The following RBFOX3 variants were observed in gnomAD, a reference collection of about 807,000 sequenced individuals.
RBFOX3 encodes RNA binding fox-1 homolog 3, also known as RNA binding protein fox-1 homolog 3.
In RBFOX3, 17 loss-of-function variants were observed where a neutral mutation model predicts 48.7. The observed-to-expected ratio is 0.35, with a 90% CI of 0.24 to 0.52. RBFOX3 has a LOEUF of 0.52. Ranked by LOEUF, RBFOX3 falls within the 20% of genes least tolerant of loss-of-function variation. The probability of loss-of-function intolerance (pLI) is 0.94; values close to 1 mark genes in which losing one functional copy is unlikely to be tolerated. For synonymous variants in RBFOX3, 212 were observed against 209.5 expected (o/e 1.01, Z -0.10); for missense variants, 382 against 497.5 (o/e 0.77, Z 2.21).
At chr17:79,306,375 G>A (rs1277037348) in intron 3 of RBFOX3, among the ~76,000 whole-genome samples, 1 of 152,260 alleles carries the variant, frequency 6.6e-6, no homozygotes, top group Non-Finnish European at 1.5e-5. Context: ...GCCATGGCCC[G>A]CACGCGTGTG....
At position 79,212,571 on chromosome 17, in the gene RBFOX3, CAACTT is replaced by C. The variant is rs2058522130; in HGVS notation, c.-34+23190_-34+23194del. 1.3e-5 allele frequency among the ~76,000 whole-genome samples: 2 copies of C among 152,196 alleles called. No homozygotes were observed. Among genetic ancestry groups the C allele is most frequent in the African/African-American group, 2.4e-5 (1 of 41,448 alleles). The stretch of plus-strand genomic sequence containing the variant: ...TCTTCATAAAGAGTAGATTTCAGAG[CAACTT>C]AACTTCTTTCACAAGCAAATTCCCA... On this transcript the variant is annotated intron_variant, in intron 4 of 14. Coordinates refer to ENST00000693108, the MANE Select transcript of RBFOX3 (RefSeq NM_001350451.2). This position sits in a 1 kb window ranked among gnomAD's most constrained non-coding sequence, Gnocchi z 4.7.
intron 2 of RBFOX3, among the ~76,000 whole-genome samples, chr17:79,318,854 C>CAAAAAAAAAAAAAAAAAAAAAAAAAAAAA (rs71161660): frequency 6.1e-5 from 2 of 32,524 alleles, no homozygotes; most frequent in Non-Finnish European, 1.0e-4. Context: ...GACTCCATCT[C>CAAAAAAAAAAAAAAAAAAAAAAAAAAAAA]AAAAAAAAAA....
At chr17:79,444,766 T>G (rs2071884226) in intron 2 of RBFOX3, among the ~76,000 whole-genome samples, 1 of 152,060 alleles carries the variant, frequency 6.6e-6, no homozygotes, top group Non-Finnish European at 1.5e-5. Flanking sequence ...AGTTTAGTCT[T>G]GAGCAAATAT....
At chr17:79,487,193 G>A (rs1229398005) in intron 1 of RBFOX3, among the ~76,000 whole-genome samples, 1 of 152,184 alleles carries the variant, frequency 6.6e-6, no homozygotes, top group East Asian at 1.9e-4. Context: ...AGGCACACAA[G>A]GTAGCTGGAG....
At chr17:79,638,126 C>T in the RBFOX3 span, among the ~76,000 whole-genome samples, 1 of 151,854 alleles carries the variant, frequency 6.6e-6, no homozygotes, top group East Asian at 1.9e-4. Context: ...TAAATGCCTA[C>T]ATTTTTAAAA....
rs1202846657 is a variant in RBFOX3, at chr17:79,299,782, C to CA, written c.-74+7941dup. ...ACAGACGCAAACAGAGGGATGGCCA[C>CA]ATAAGGACATGGAGAAGACGGCGTC... On this transcript the variant is annotated intron_variant, in intron 3 of 14. Transcript: ENST00000693108. This position sits in a 1 kb window ranked among gnomAD's most constrained non-coding sequence, Gnocchi z 4.5. Among the ~76,000 whole-genome samples, 4 of 152,174 alleles carry CA rather than the reference C, an allele frequency of 2.6e-5. No homozygotes were observed. The highest frequency in any genetic ancestry group is 9.7e-5 in the African/African-American group (4 of 41,438).
rs2031506207 is a variant in RBFOX3, at chr17:79,111,524, C to A, written c.222+3970G>T. Among the ~76,000 whole-genome samples the A allele has an allele frequency of 6.6e-6, 1 of 152,208 alleles. No individual in the cohort carries two copies. The highest frequency in any genetic ancestry group is 2.4e-5 in the African/African-American group (1 of 41,456). On this transcript the variant is annotated intron_variant, in intron 5 of 14. Transcript: ENST00000693108. This position sits in a 1 kb window ranked among gnomAD's most constrained non-coding sequence, Gnocchi z 4.2. ...GATCTCAGCTCACTGCAACCTCCAC[C>A]TCCTGGGTTCAAGTGATTCTCCTGC...
chr17:79,277,306 G>GGT (rs35977745), intron 3 of RBFOX3, among the ~76,000 whole-genome samples: 8 of 145,450 alleles, frequency 5.5e-5, no homozygotes, highest in African/African-American at 2.0e-4. Context: ...GGTGGGGAGG[G>GGT]GGGGGGTAGT....
At chr17:79,652,069 C>T in the RBFOX3 span, among the ~76,000 whole-genome samples, 1 of 152,020 alleles carries the variant, frequency 6.6e-6, no homozygotes, top group Non-Finnish European at 1.5e-5. Context: ...AAGCCAGAAC[C>T]ACCCAGCTAA....
At chr17:79,519,743 C>T (rs1391993583) in intron 1 of RBFOX3, among the ~76,000 whole-genome samples, 7 of 152,190 alleles carry the variant, frequency 4.6e-5, no homozygotes, top group Non-Finnish European at 8.8e-5. Flanking sequence ...TTGAGGTCAG[C>T]ACCTGGGTGG....
chr17:79,158,499 C>G (rs929632141), intron 4 of RBFOX3, among the ~76,000 whole-genome samples: 5 of 152,176 alleles, frequency 3.3e-5, no homozygotes, highest in African/African-American at 2.4e-5. Context: ...GACTCAGAGG[C>G]CGGGGACACT....
At chr17:79,215,604 C>A (rs2058937453) in intron 4 of RBFOX3, among the ~76,000 whole-genome samples, 1 of 152,200 alleles carries the variant, frequency 6.6e-6, no homozygotes, top group South Asian at 2.1e-4. Context: ...AAGACAGGCA[C>A]CCCTGGTGTG....
the RBFOX3 span, among the ~76,000 whole-genome samples, chr17:79,641,954 C>T: frequency 6.6e-6 from 1 of 152,114 alleles, no homozygotes; most frequent in Non-Finnish European, 1.5e-5. Context: ...CTGAGGCCTC[C>T]CCAGAAGCAG....
rs553031140 is a variant in RBFOX3, at chr17:79,121,376, G to A, written c.-33-5628C>T. 7.2e-5 allele frequency among the ~76,000 whole-genome samples: 11 copies of A among 152,124 alleles called. No homozygotes were observed. The South Asian group carries it at 2.3e-3, about 32-fold the overall frequency. On this transcript the variant is annotated intron_variant, in intron 4 of 14. Coordinates refer to ENST00000693108, the MANE Select transcript of RBFOX3 (RefSeq NM_001350451.2). ...AAAGAAAACCCTCCTTGACACCATG[G>A]CTCCTTCATCCTACAAACTCAATTC...
intron 4 of RBFOX3, among the ~76,000 whole-genome samples, chr17:79,173,157 C>A (rs2049732826): frequency 6.6e-6 from 1 of 151,616 alleles, no homozygotes; most frequent in African/African-American, 2.4e-5. Context: ...TTGCAGTGAG[C>A]CGAGATTGCA....
chr17:79,166,352 C>T (rs987157712), intron 4 of RBFOX3, among the ~76,000 whole-genome samples: 3 of 152,164 alleles, frequency 2.0e-5, no homozygotes, highest in Non-Finnish European at 2.9e-5. Flanking sequence ...GAGCTGTAGC[C>T]GCCCCGGGCT....
At chr17:79,144,561 G>A (rs2042626962) in intron 4 of RBFOX3, among the ~76,000 whole-genome samples, 2 of 152,204 alleles carry the variant, frequency 1.3e-5, no homozygotes, top group Admixed American at 1.3e-4. Context: ...GAGTTGGTGG[G>A]TGGAGGGGGC....
At chr17:79,278,108 T>G (rs1473652522) in intron 3 of RBFOX3, among the ~76,000 whole-genome samples, 3 of 152,104 alleles carry the variant, frequency 2.0e-5, no homozygotes, top group Non-Finnish European at 4.4e-5. Context: ...GGGCCACATC[T>G]GGAATTGAGA....
intron 2 of RBFOX3, among the ~76,000 whole-genome samples, chr17:79,342,108 G>A (rs151089255): frequency 1.9e-4 from 29 of 152,320 alleles, no homozygotes; most frequent in Admixed American, 5.2e-4. Flanking sequence ...CCCTCACCTC[G>A]TGGTGCAGCT....
Sources: gnomAD v4.1 joint callset for allele counts (sites outside exome capture counted in the v4.1 genomes callset) on GRCh38, gnomAD v4.1.1 for gene constraint, Gnocchi (gnomAD v3.1) non-coding constraint, MANE v1.5 for transcripts, NCBI Gene and HGNC (gene_info 2026-07-23, HGNC 2026-07-21) for gene names.